Variants in ALDH5A1 observed in about 807,000 individuals in gnomAD.
ALDH5A1 encodes succinate-semialdehyde dehydrogenase, mitochondrial.
ALDH5A1 carries 33 observed loss-of-function variants against 54.7 expected under a neutral mutation model. The observed-to-expected ratio is 0.60, with a 90% CI of 0.46 to 0.81. The LOEUF is 0.81. Ranked by LOEUF, ALDH5A1 falls within the 30% of genes least tolerant of loss-of-function variation. The probability of loss-of-function intolerance (pLI) is 0.00; values close to 1 mark genes in which losing one functional copy is unlikely to be tolerated. For missense variants in ALDH5A1, 657 were observed against 711.0 expected (o/e 0.92, Z 0.86); for synonymous variants, 294 against 292.7 (o/e 1.00, Z -0.05).
intron 8 of ALDH5A1, among the ~76,000 whole-genome samples, chr6:24,530,569 C>T (rs1272834907): frequency 6.6e-6 from 1 of 152,168 alleles, no homozygotes; most frequent in East Asian, 1.9e-4. Flanking sequence ...TTGTGCTCCT[C>T]ATACATTTGG....
chr6:24,523,879 A>G (rs1180371024), intron 7 of ALDH5A1, among the ~76,000 whole-genome samples: 2 of 152,108 alleles, frequency 1.3e-5, no homozygotes, highest in Non-Finnish European at 2.9e-5. Context: ...GTTATAATCC[A>G]TACTACTAGC....
chr6:24,511,223 C>T (rs1420784200), intron 4 of ALDH5A1, among the ~76,000 whole-genome samples: 2 of 152,126 alleles, frequency 1.3e-5, no homozygotes, highest in Non-Finnish European at 2.9e-5. Context: ...TATAGGTTAC[C>T]TGGTGCTTTT....
At chr6:24,501,462 T>C (rs919546815) in intron 1 of ALDH5A1, among the ~76,000 whole-genome samples, 1 of 152,196 alleles carries the variant, frequency 6.6e-6, no homozygotes. Flanking sequence ...ATCATAAAGC[T>C]GTTCAGAAAT....
chr6:24,528,743 C>T (rs1419523696), intron 8 of ALDH5A1, among the ~76,000 whole-genome samples: 1 of 149,478 alleles, frequency 6.7e-6, no homozygotes, highest in Non-Finnish European at 1.5e-5. Context: ...GAGTCTTGCT[C>T]TGTCACCCAG....
At chr6:24,525,792 A>G (rs1581822144) in intron 7 of ALDH5A1, among the ~76,000 whole-genome samples, 1 of 152,174 alleles carries the variant, frequency 6.6e-6, no homozygotes, top group African/African-American at 2.4e-5. Context: ...GCCTTTCTAG[A>G]ATTGGTGGCT....
chr6:24,513,521 C>T (rs553594280), intron 4 of ALDH5A1, among the ~76,000 whole-genome samples: 8 of 152,312 alleles, frequency 5.3e-5, no homozygotes, highest in Middle Eastern at 3.4e-3. Context: ...CCTTGTGTAT[C>T]GTGTTCAAAG....
At chr6:24,526,899 A>ATATATCT (rs1269439120) in intron 7 of ALDH5A1, among the ~76,000 whole-genome samples, 2 of 76,912 alleles carry the variant, frequency 2.6e-5, no homozygotes, top group African/African-American at 6.7e-5. Flanking sequence ...CTATATATAT[A>ATATATCT]TCTACTATAT....
intron 1 of ALDH5A1, among the ~76,000 whole-genome samples, chr6:24,495,936 C>T (rs545388348): frequency 6.6e-6 from 1 of 152,236 alleles, no homozygotes; most frequent in East Asian, 1.9e-4. Context: ...CTGCTATTGG[C>T]CATTGCATAG....
chr6:24,504,641 T>C lies in ALDH5A1; in HGVS notation c.610-228T>C, dbSNP rs371223603. On this transcript the variant is annotated intron_variant, in intron 3 of 9. Transcript: ENST00000357578. ...GGCTGACCCCTGGTCTAACTAATTT[T>C]TTACTGTGTTAAATTCTAAAAATAT... Among the ~76,000 whole-genome samples, 9 of 152,372 alleles carry C rather than the reference T, an allele frequency of 5.9e-5. 1 individual carries two copies. Among genetic ancestry groups the C allele is most frequent in the African/African-American group, 2.2e-4 (9 of 41,590 alleles).
At chr6:24,508,203 A>T (rs1433073945) in intron 4 of ALDH5A1, among the ~76,000 whole-genome samples, 5 of 151,792 alleles carry the variant, frequency 3.3e-5, no homozygotes, top group Non-Finnish European at 5.9e-5. Context: ...TCTCTACTAA[A>T]AATACAAAAA....
At position 24,528,131 on chromosome 6, in the gene ALDH5A1, TGAA is replaced by T; in HGVS notation, c.1311_1313del (p.Glu438del). On this transcript the variant is annotated inframe_deletion, in exon 8 of 10. Coordinates refer to ENST00000357578, the MANE Select transcript of ALDH5A1 (RefSeq NM_001080.3). The stretch of plus-strand genomic sequence containing the variant: ...TCACCCAGGACATGCTGTGCACTCA[TGAA>T]GAGACTTTCGGGCCTCTGGCACCAG... The T allele has an allele frequency of 6.2e-7, 1 of 1,613,982 alleles. No homozygotes were observed. Among genetic ancestry groups the T allele is most frequent in the South Asian group, 1.1e-5 (1 of 91,068 alleles).
intron 4 of ALDH5A1, among the ~76,000 whole-genome samples, chr6:24,505,779 A>AC (rs1474277546): frequency 6.6e-6 from 1 of 151,730 alleles, no homozygotes; most frequent in African/African-American, 2.4e-5. Flanking sequence ...GACCAGCCTG[A>AC]CCAACATGCT....
chr6:24,521,959 C>T (rs1281726051), intron 6 of ALDH5A1, among the ~76,000 whole-genome samples: 1 of 150,948 alleles, frequency 6.6e-6, no homozygotes, highest in Non-Finnish European at 1.5e-5. Flanking sequence ...CTCCACCTCC[C>T]GGATTCAAGA....
At chr6:24,522,577 G>A (rs898842823) in intron 6 of ALDH5A1, 190 bp from the exon 7 acceptor site, 1 of 570,924 alleles carries the variant, frequency 1.8e-6, no homozygotes, top group Non-Finnish European at 3.2e-6. Context: ...GGGAACTGGA[G>A]GGGAACATGC....
rs1247601685 is a variant in ALDH5A1, at chr6:24,509,085, C to G, written c.726+4100C>G. On this transcript the variant is annotated intron_variant, in intron 4 of 9. Transcript: ENST00000357578. The surrounding 1 kb of genome is among the most constrained non-coding windows in gnomAD (Gnocchi z 4.7). Reference sequence around the variant, plus strand: ...GTGGGTTGTCTGTTTACTCTGCTGACTGTTCCTTTTGCCATGCAAAAGCTC... The same window carrying G: ...GTGGGTTGTCTGTTTACTCTGCTGAGTGTTCCTTTTGCCATGCAAAAGCTC... 6.6e-6 allele frequency among the ~76,000 whole-genome samples: 1 copy of G among 151,300 alleles called. No homozygotes were observed. Among genetic ancestry groups the G allele is most frequent in the East Asian group, 1.9e-4 (1 of 5,178 alleles).
rs1358808295 is a variant in ALDH5A1, at chr6:24,504,893, A to C, written c.634A>C (p.Thr212Pro). ...TPWNFPSAMITRKVGAALAAG... is the reference protein window; with the variant it reads ...TPWNFPSAMIPRKVGAALAAG... Reference sequence around the variant, plus strand: ...GTGGAATTTCCCCAGTGCCATGATCACCCGGAAGGTGGGGGCCGCCCTGGC... The same window carrying C: ...GTGGAATTTCCCCAGTGCCATGATCCCCCGGAAGGTGGGGGCCGCCCTGGC... The change falls in exon 4 of 10, where the codon ACC (threonine) becomes CCC (proline). Residue 212 changes from threonine (T) to proline (P), a missense_variant. Physicochemically the swap from Thr to Pro is conservative, Grantham distance 38. This residue lies in a region of ALDH5A1 where 425 missense variants were observed against 516.4 expected (regional missense o/e 0.82). Coordinates refer to ENST00000357578, the MANE Select transcript of ALDH5A1 (RefSeq NM_001080.3). 1.2e-6 allele frequency: 2 copies of C among 1,614,102 alleles called. No homozygotes were observed. The highest frequency in any genetic ancestry group is 2.2e-5 in the South Asian group (2 of 91,072).
chr6:24,503,228 A>C, intron 2 of ALDH5A1, 35 bp from the exon 3 acceptor site: 2 of 1,607,582 alleles, frequency 1.2e-6, no homozygotes, highest in Non-Finnish European at 1.7e-6. Flanking sequence ...TATTATTAGA[A>C]GGTAATACGT....
At chr6:24,521,492 G>C (rs958366357) in intron 6 of ALDH5A1, among the ~76,000 whole-genome samples, 4 of 152,132 alleles carry the variant, frequency 2.6e-5, no homozygotes, top group Admixed American at 2.6e-4. Context: ...CCATCAATAT[G>C]TAATTTTAAA....
At chr6:24,529,731 T>A (rs2760186) in intron 8 of ALDH5A1, among the ~76,000 whole-genome samples, 1 of 140,816 alleles carries the variant, frequency 7.1e-6, no homozygotes, top group Non-Finnish European at 1.5e-5. Context: ...GAGTGCAGTG[T>A]TGCGATCTCA....
Sources: allele counts gnomAD v4.1 joint callset (sites outside exome capture counted in the v4.1 genomes callset), GRCh38; gene constraint gnomAD v4.1.1; regional missense constraint gnomAD v4.1.1; non-coding constraint Gnocchi (gnomAD v3.1); transcripts MANE v1.5; gene names NCBI Gene and HGNC (gene_info 2026-07-23, HGNC 2026-07-21).